Variants in KMT2D observed in about 807,000 individuals in gnomAD.
KMT2D encodes lysine methyltransferase 2D.
A neutral mutation model predicts 512.7 loss-of-function variants in KMT2D; 55 were observed. The ratio of observed to expected loss-of-function variants is 0.11; its 90% CI spans 0.09 to 0.13. KMT2D has a LOEUF of 0.13. Among genes scored for constraint, KMT2D ranks in the 10% least tolerant of loss-of-function variants. The pLI, the probability that KMT2D is intolerant of heterozygous loss-of-function variation, is 1.00. For synonymous variants in KMT2D, 2,995 were observed against 2,904.0 expected (o/e 1.03, Z -1.01); for missense variants, 6,061 against 7,127.9 (o/e 0.85, Z 5.39).
In KMT2D at chr12:49,044,323, G is replaced by A. The variant is rs1187342888; in HGVS notation, c.5084-19C>T. 3.7e-6 allele frequency: 6 copies of A among 1,613,944 alleles called. No homozygotes were observed. In the East Asian group the frequency reaches 8.9e-5, roughly 24 times the overall value. ...CCAATGCCTATGAGGAGGCAGAGTT[G>A]TGGATGAGAAGCCGCTGGGGGACCT... On this transcript the variant is annotated intron_variant, in intron 21 of 54. Transcript: ENST00000301067. This position sits in a 1 kb window ranked among gnomAD's most constrained non-coding sequence, Gnocchi z 6.4.
At position 49,050,259 on chromosome 12, in the gene KMT2D, G is replaced by A. The variant is rs949368171; in HGVS notation, c.3329C>T (p.Pro1110Leu). ...TAGGCCAGAGAAGTCATCCAGGGCT[G>A]GGGCAGGGCTGGGGGCGGGGCAGGA... The part of the protein sequence containing the change: ...DLSCPAPSPA[P>L]ALDDFSGLGE... Residue 1110 changes from proline (P) to leucine (L), a missense_variant, in exon 12 of 55, where the codon CCA becomes CTA. Pro to Leu is a moderately conservative substitution (Grantham distance 98). Around this residue, in one of 16 missense-constraint regions of KMT2D, gnomAD observed 447 missense variants for 500.1 expected, o/e 0.89. Transcript: ENST00000301067. The A allele has an allele frequency of 8.1e-6, 13 of 1,612,388 alleles. No homozygotes were observed. The highest frequency in any genetic ancestry group is 1.3e-5 in the African/African-American group (1 of 74,898).
Position 49,042,422 on chromosome 12 carries a change from C to G in KMT2D, c.5868-92G>C. ...AGAGCCCCAGGCCACTGCCCTGCCC[C>G]AAAAGAGGAGGGTCACTAACAAGGG... On this transcript the variant is annotated intron_variant, in intron 28 of 54. Transcript: ENST00000301067. The surrounding 1 kb of genome is among the most constrained non-coding windows in gnomAD (Gnocchi z 4.4). 1 of 1,503,834 alleles carries G rather than the reference C, an allele frequency of 6.6e-7. No homozygotes were observed. The highest frequency in any genetic ancestry group is 1.3e-5 in the South Asian group (1 of 77,014). 93.2% of individuals were successfully genotyped at this position (1,503,834 alleles called of 1,614,324 possible).
At chr12:49,027,442 T>C (rs1365848919) in intron 48 of KMT2D, 120 bp from the exon 49 acceptor site, 3 of 825,722 alleles carry the variant, frequency 3.6e-6, no homozygotes, top group Admixed American at 2.8e-5. Flanking sequence ...AGACAGCCTC[T>C]TTTTTCTTTT....
rs2120494096 is a variant in KMT2D at position 49,038,310 on chromosome 12, C to T, written c.9046G>A (p.Val3016Met). Residue 3016 changes from valine (V) to methionine (M), a missense_variant, in exon 35 of 55, where the codon GTG (valine) becomes ATG (methionine). Transcript: ENST00000301067. This position sits in a 1 kb window ranked among gnomAD's most constrained non-coding sequence, Gnocchi z 5.7. ...TCATCATCACCCTTGGCCACATCCA[C>T]ACCCAGACCCAGGTGAGCAAGCTCT... Reference protein sequence around the residue: ...DEELAHLGLGVDVAKGDDELG... With the variant: ...DEELAHLGLGMDVAKGDDELG... 1 of 1,613,904 alleles carries T rather than the reference C, an allele frequency of 6.2e-7. No homozygotes were observed. The highest frequency in any genetic ancestry group is 8.5e-7 in the Non-Finnish European group (1 of 1,179,896).
At position 49,044,218 on chromosome 12, in the gene KMT2D, C is replaced by T. The variant is rs1488561275; in HGVS notation, c.5170G>A (p.Asp1724Asn). 5 of 1,611,974 alleles carry T rather than the reference C, an allele frequency of 3.1e-6. No homozygotes were observed. Among genetic ancestry groups the T allele is most frequent in the East Asian group, 2.2e-5 (1 of 44,878 alleles). ...GTCTCACCCTCGTCGGGCTGCCCAT[C>T]CCCACTCAACACCTCCGCCTGTGCA... The part of the protein sequence containing the change: ...PAAQAEVLSG[D>N]GQPDEVIPAD... Residue 1724 changes from aspartate to asparagine, a missense_variant, in exon 22 of 55, where the codon GAT (aspartate) becomes AAT (asparagine). Around this residue, in one of 16 missense-constraint regions of KMT2D, gnomAD observed 640 missense variants for 814.3 expected, o/e 0.79. Coordinates refer to ENST00000301067, the MANE Select transcript of KMT2D (RefSeq NM_003482.4). The surrounding 1 kb of genome is among the most constrained non-coding windows in gnomAD (Gnocchi z 6.4).
At chr12:49,030,866 CA>C (rs766636934) in intron 41 of KMT2D, 26 bp downstream of exon 41, 10 of 1,613,302 alleles carry the variant, frequency 6.2e-6, no homozygotes, top group African/African-American at 4.0e-5. Context: ...GGGATGGGAC[CA>C]GGGGGACTGT....
rs1408800479 is a variant in KMT2D, at chr12:49,030,337, G to A, written c.13942C>T (p.Leu4648=). The A allele has an allele frequency of 4.4e-6, 7 of 1,604,410 alleles. No individual in the cohort carries two copies. Among genetic ancestry groups the A allele is most frequent in the Non-Finnish European group, 6.0e-6 (7 of 1,175,814 alleles). Residue 4648 remains leucine, a synonymous_variant, in exon 43 of 55, where the codon CTG becomes TTG. Coordinates refer to ENST00000301067, the MANE Select transcript of KMT2D (RefSeq NM_003482.4). ...MVNGVTPSEE[L]GEHPKDAASA... ...GCAGCATCCTTGGGGTGCTCCCCCA[G>A]CTCTTCAGATGGGGTGACGCCATTC... is the stretch of plus-strand genomic sequence containing the variant.
rs751843235 is a variant in KMT2D, at chr12:49,031,358, G to C, written c.13347C>G (p.Leu4449=). 6.2e-7 allele frequency: 1 copy of C among 1,613,578 alleles called. No individual in the cohort carries two copies. The highest frequency in any genetic ancestry group is 8.5e-7 in the Non-Finnish European group (1 of 1,179,878). ...PIGAPGTSNH[L]LLAGPRSEAG... ...CTTCTGAGCGAGGGCCTGCCAGCAGGAGGTGGTTGCTGGTTCCTGGTGCCC... is the reference window on the plus strand; with the variant it reads ...CTTCTGAGCGAGGGCCTGCCAGCAGCAGGTGGTTGCTGGTTCCTGGTGCCC... The change falls in exon 40 of 55, where the codon CTC becomes CTG. Residue 4449 remains leucine, a synonymous_variant. Transcript: ENST00000301067.
chr12:49,036,008 G>A (rs1269356306), intron 35 of KMT2D: 1 of 152,192 alleles, frequency 6.6e-6, no homozygotes, highest in Non-Finnish European at 1.5e-5. Context: ...CTCCACTTCT[G>A]TTTCCTCTTC....
rs779889988 is a variant in KMT2D at position 49,048,775 on chromosome 12, G to A, written c.4021-6C>T. The A allele has an allele frequency of 1.5e-5, 24 of 1,568,962 alleles. No homozygotes were observed. Among genetic ancestry groups the A allele is most frequent in the Non-Finnish European group, 2.1e-5 (24 of 1,143,912 alleles). ...GAGCTATCAATGTCAGCAACCTGAT[G>A]GGCAGAGAGTTATGGAAAGTGAGGC... On this transcript the variant is annotated splice_region_variant and splice_polypyrimidine_tract_variant and intron_variant, in intron 13 of 54. Transcript: ENST00000301067.
rs921149970 is a variant in KMT2D, at chr12:49,019,653, G to C, written c.*2127C>G. The C allele has an allele frequency of 8.7e-6, 2 of 230,878 alleles. No individual in the cohort carries two copies. Among genetic ancestry groups the C allele is most frequent in the Admixed American group, 5.7e-5 (1 of 17,694 alleles). The allele number at this position is 230,878 out of a possible 1,614,324, so 14.3% of individuals were successfully genotyped here. ...CCTGTAGCCTAGACCTTCTGCTCTC[G>C]GAAAAGGAACATCCAAGGGCTGTGG... On this transcript the variant is annotated 3_prime_UTR_variant, in exon 55 of 55. Transcript: ENST00000301067.
In KMT2D at chr12:49,033,832, G is replaced by A. The variant is rs754035410; in HGVS notation, c.10873C>T (p.Pro3625Ser). 9 of 1,578,108 alleles carry A rather than the reference G, an allele frequency of 5.7e-6. No individual in the cohort carries two copies. Among genetic ancestry groups the A allele is most frequent in the Admixed American group, 1.8e-5 (1 of 54,384 alleles). Reference sequence around the variant, plus strand: ...CCAGGGAGCTTGGTGAGCAGCCGGGGACTCTGGGAAGGGCTGAGAGCCAGC... The same window carrying A: ...CCAGGGAGCTTGGTGAGCAGCCGGGAACTCTGGGAAGGGCTGAGAGCCAGC... ...AVLALSPSQS[P>S]RLLTKLPGQL... Residue 3625 changes from proline to serine, a missense_variant, in exon 40 of 55, where the codon CCC becomes TCC. Physicochemically the swap from Pro to Ser is moderately conservative, Grantham distance 74. This residue lies in a region of KMT2D where 1,600 missense variants were observed against 1,754.9 expected (regional missense o/e 0.91). Transcript: ENST00000301067.
chr12:49,043,281 C>T, intron 25 of KMT2D, 82 bp downstream of exon 25: 7 of 1,556,450 alleles, frequency 4.5e-6, no homozygotes, highest in Non-Finnish European at 6.2e-6. Context: ...CAGCCTCCAA[C>T]ACTGACAATG....
rs1227855868 is a variant in KMT2D at position 49,054,779 on chromosome 12, G to A, written c.177-28C>T. The A allele has an allele frequency of 1.5e-5, 24 of 1,608,728 alleles. No individual in the cohort carries two copies. Among genetic ancestry groups the A allele is most frequent in the Middle Eastern group, 1.6e-4 (1 of 6,068 alleles). On this transcript the variant is annotated intron_variant, in intron 3 of 54. Transcript: ENST00000301067. This position sits in a 1 kb window ranked among gnomAD's most constrained non-coding sequence, Gnocchi z 6.4. The stretch of plus-strand genomic sequence containing the variant: ...GTGGACACACAAGCATCAGTACCAC[G>A]CCAGGCCCCCAGCAACCCCATGATC...
chr12:49,040,299 C>G lies in KMT2D; in HGVS notation c.7471G>C (p.Ala2491Pro), dbSNP rs745796849. 3.8e-6 allele frequency: 6 copies of G among 1,594,960 alleles called. No individual in the cohort carries two copies. The South Asian group carries it at 4.5e-5, about 12-fold the overall frequency. The change falls in exon 32 of 55, where the codon GCT becomes CCT. Residue 2491 changes from alanine (A) to proline (P), a missense_variant. Around this residue, in one of 16 missense-constraint regions of KMT2D, gnomAD observed 710 missense variants for 647.3 expected, o/e 1.10. Coordinates refer to ENST00000301067, the MANE Select transcript of KMT2D (RefSeq NM_003482.4). ...GGCAGGGCTGCTGGGAACCCCCCAG[C>G]CCCCAGCGAAGTGTGGGCTAGAGAC... is the stretch of plus-strand genomic sequence containing the variant. ...AGSLAHTSLGAGGFPAALPAG... is the reference protein window; with the variant it reads ...AGSLAHTSLGPGGFPAALPAG...
chr12:49,022,195 G>C lies in KMT2D; in HGVS notation c.16413-44C>G, dbSNP rs1197794599. The C allele has an allele frequency of 6.2e-7, 1 of 1,603,780 alleles. No homozygotes were observed. Among genetic ancestry groups the C allele is most frequent in the South Asian group, 1.1e-5 (1 of 90,892 alleles). ...TCAGGGATGTCAGGCAACTAACTTG[G>C]GACAATTTTGATTCCTTGTTCGTCT... On this transcript the variant is annotated intron_variant, in intron 53 of 54. Transcript: ENST00000301067. This position sits in a 1 kb window ranked among gnomAD's most constrained non-coding sequence, Gnocchi z 8.6.
chr12:49,056,356 G>C (rs995948270), intron 1 of KMT2D, among the ~76,000 whole-genome samples: 1 of 151,986 alleles, frequency 6.6e-6, no homozygotes, highest in Admixed American at 6.6e-5. Context: ...GCCTGTATCA[G>C]AGCCAAATGA....
At position 49,060,348 on chromosome 12, in the gene KMT2D, C is replaced by CT. The variant is rs1438038105; in HGVS notation, c.-774_-773insA. Among the ~76,000 whole-genome samples, 1 of 151,966 alleles carries CT rather than the reference C, an allele frequency of 6.6e-6. No homozygotes were observed. The highest frequency in any genetic ancestry group is 1.5e-5 in the Non-Finnish European group (1 of 67,942). ...AGCCCTCTGCCCGCTCCCCTCCGGC[C>CT]GCTCCAGGCCCTGCGCTCGCCTCCC... is the stretch of plus-strand genomic sequence containing the variant. On this transcript the variant is annotated 5_prime_UTR_variant, in exon 1 of 55. Transcript: ENST00000301067.
Position 49,038,409 on chromosome 12 carries a change from C to A in KMT2D, c.8947G>T (p.Ala2983Ser), listed in dbSNP as rs1232371065. 2 of 1,613,716 alleles carry A rather than the reference C, an allele frequency of 1.2e-6. No individual in the cohort carries two copies. Among genetic ancestry groups the A allele is most frequent in the Non-Finnish European group, 1.7e-6 (2 of 1,179,704 alleles). The change falls in exon 35 of 55, where the codon GCT (alanine) becomes TCT (serine). Residue 2983 changes from alanine to serine, a missense_variant. Ala to Ser is a moderately conservative substitution (Grantham distance 99, BLOSUM62 1). Around this residue, in one of 16 missense-constraint regions of KMT2D, gnomAD observed 527 missense variants for 578.9 expected, o/e 0.91. Transcript: ENST00000301067. The surrounding 1 kb of genome is among the most constrained non-coding windows in gnomAD (Gnocchi z 5.7). ...GGATCCTCACAGGGCAACTTCCCAG[C>A]TTCCAGGGCCAGAGGATTGGGGCGG... ...LGRPNPLALE[A>S]GKLPCEDPEL...
Sources: gnomAD v4.1 joint callset for allele counts (sites outside exome capture counted in the v4.1 genomes callset) on GRCh38, gnomAD v4.1.1 for gene constraint, gnomAD v4.1.1 regional missense constraint, Gnocchi (gnomAD v3.1) non-coding constraint, MANE v1.5 for transcripts, NCBI Gene and HGNC (gene_info 2026-07-23, HGNC 2026-07-21) for gene names.